Variants in MYO3B observed in about 807,000 individuals in gnomAD.
The protein encoded by MYO3B is myosin IIIB, also known as myosin-IIIb.
Under a neutral mutation model 174.6 loss-of-function variants are expected in MYO3B, and 156 were observed. That is an observed-to-expected ratio of 0.89 (90% confidence interval 0.78 to 1.02). The LOEUF is 1.02. MYO3B is among the 50% of genes least tolerant of loss of function. The probability of loss-of-function intolerance (pLI) is 0.00; values close to 1 mark genes in which losing one functional copy is unlikely to be tolerated. For missense variants in MYO3B, 1,632 were observed against 1,639.4 expected, an observed-to-expected ratio of 1.00 and a Z score of 0.08; for synonymous variants, 563 against 569.1, an observed-to-expected ratio of 0.99 and a Z score of 0.15.
chr2:170,244,364 T>G (rs2093167931), intron 7 of MYO3B, among the ~76,000 whole-genome samples: 1 of 152,176 alleles, frequency 6.6e-6, no homozygotes, highest in Admixed American at 6.5e-5. Context: ...CAGCCCCACC[T>G]GGAAAGGCTC....
intron 7 of MYO3B, among the ~76,000 whole-genome samples, chr2:170,244,656 C>G (rs1473730035): frequency 6.6e-6 from 1 of 152,140 alleles, no homozygotes; most frequent in Admixed American, 6.5e-5. Context: ...TTGACTTTCG[C>G]CTTGGGATAA....
intron 22 of MYO3B, among the ~76,000 whole-genome samples, chr2:170,411,094 T>C (rs1357044698): frequency 2.0e-5 from 3 of 152,204 alleles, no homozygotes; most frequent in Non-Finnish European, 4.4e-5. Flanking sequence ...TTCCTGACAG[T>C]TAACTTGAGG....
At position 170,335,414 on chromosome 2, in the gene MYO3B, A is replaced by G; in HGVS notation, c.779A>G (p.Glu260Gly). Residue 260 changes from glutamate (E) to glycine (G), a missense_variant, in exon 8 of 35, where the codon GAA becomes GGA. Physicochemically the swap from Glu to Gly is moderately conservative, Grantham distance 98 (BLOSUM62 -2). Coordinates refer to ENST00000408978, the MANE Select transcript of MYO3B (RefSeq NM_138995.5). ...CCTCCACCTACTTTACTTCATCCAG[A>G]AAAATGGTGTGAAGAATTCAACCAC... is the stretch of plus-strand genomic sequence containing the variant. The part of the protein sequence containing the change: ...RNPPPTLLHP[E>G]KWCEEFNHFI... The G allele has an allele frequency of 6.2e-7, 1 of 1,611,324 alleles. No individual in the cohort carries two copies. The highest frequency in any genetic ancestry group is 8.5e-7 in the Non-Finnish European group (1 of 1,178,626).
At chr2:170,560,079 T>A (rs1334461749) in intron 32 of MYO3B, among the ~76,000 whole-genome samples, 2 of 152,220 alleles carry the variant, frequency 1.3e-5, no homozygotes, top group African/African-American at 2.4e-5. Flanking sequence ...TACTGCTATT[T>A]CTTACTCTTC....
At chr2:170,469,744 C>T (rs547516700) in intron 25 of MYO3B, among the ~76,000 whole-genome samples, 3 of 152,222 alleles carry the variant, frequency 2.0e-5, no homozygotes, top group African/African-American at 7.2e-5. Context: ...TTAGTCCAGC[C>T]CTTTTGTTAT....
At chr2:170,393,895 T>C (rs6750568) in intron 16 of MYO3B, among the ~76,000 whole-genome samples, 1,593 of 152,268 alleles carry the variant, frequency 0.01, 29 homozygotes, top group African/African-American at 0.036. Flanking sequence ...GGTTCTAGCA[T>C]TGTTAAAGGA....
chr2:170,595,823 CTCACTGTTAT>C (rs1168264262), intron 32 of MYO3B, among the ~76,000 whole-genome samples: 3 of 151,976 alleles, frequency 2.0e-5, no homozygotes, highest in Non-Finnish European at 1.5e-5. Flanking sequence ...GGCTTCTCTT[CTCACTGTTAT>C]TCCAACCAAC....
chr2:170,325,821 T>G (rs2093862623), intron 7 of MYO3B, among the ~76,000 whole-genome samples: 1 of 152,150 alleles, frequency 6.6e-6, no homozygotes, highest in Non-Finnish European at 1.5e-5. Context: ...CCTCTGCCTT[T>G]CAGTTTGAGA....
chr2:170,580,718 A>ATATATATATATATGTGTGTG (rs768974458), intron 32 of MYO3B, among the ~76,000 whole-genome samples: 48 of 142,772 alleles, frequency 3.4e-4, no homozygotes, highest in African/African-American at 1.2e-3. Context: ...AACCTTATAT[A>ATATATATATATATGTGTGTG]TGTGTGTGTG....
intron 7 of MYO3B, among the ~76,000 whole-genome samples, chr2:170,286,217 A>G (rs1177846407): frequency 6.6e-6 from 1 of 152,196 alleles, no homozygotes; most frequent in Non-Finnish European, 1.5e-5. Flanking sequence ...AAGCAATGTA[A>G]AGGAAATGGA....
chr2:170,557,145 TTTA>T (rs752378397), intron 32 of MYO3B, among the ~76,000 whole-genome samples: 1 of 106,354 alleles, frequency 9.4e-6, no homozygotes, highest in Admixed American at 1.1e-4. Context: ...TATTTTTATT[TTTA>T]TTTTTTTTTG....
intron 25 of MYO3B, among the ~76,000 whole-genome samples, chr2:170,480,041 GTA>G (rs57069590): frequency 6.3e-4 from 92 of 146,340 alleles, no homozygotes; most frequent in East Asian, 2.0e-3. Flanking sequence ...GTGTGTGTGT[GTA>G]TATATATATA....
chr2:170,323,655 A>C (rs570952662), intron 7 of MYO3B, among the ~76,000 whole-genome samples: 114 of 152,316 alleles, frequency 7.5e-4, no homozygotes, highest in African/African-American at 2.6e-3. Context: ...CTGTTTTCTT[A>C]TCTCTAAAAC....
chr2:170,286,437 T>C, intron 7 of MYO3B, among the ~76,000 whole-genome samples: 1 of 152,316 alleles, frequency 6.6e-6, no homozygotes, highest in South Asian at 2.1e-4. Context: ...TACCACATGA[T>C]GTAGGAAGTT....
At chr2:170,384,613 A>C (rs1411425998) in intron 12 of MYO3B, among the ~76,000 whole-genome samples, 1 of 152,216 alleles carries the variant, frequency 6.6e-6, no homozygotes, top group African/African-American at 2.4e-5. Flanking sequence ...TTAGAAACTT[A>C]GCTCTTCCAA....
At chr2:170,635,760 T>G (rs1286098275) in intron 32 of MYO3B, among the ~76,000 whole-genome samples, 3 of 152,180 alleles carry the variant, frequency 2.0e-5, no homozygotes, top group African/African-American at 4.8e-5. Context: ...CATGTTTTCT[T>G]TCTTACATAT....
chr2:170,206,746 A>C lies in MYO3B; in HGVS notation c.321+6462A>C, dbSNP rs1487278019. Among the ~76,000 whole-genome samples the C allele has an allele frequency of 6.6e-6, 1 of 152,082 alleles. No individual in the cohort carries two copies. The highest frequency in any genetic ancestry group is 6.6e-5 in the Admixed American group (1 of 15,256). ...TCCCTCTCCCTTTTCCCTGGGTGGCATCTGGATCTGGGTACAAGTAGATGC... is the reference window on the plus strand; with the variant it reads ...TCCCTCTCCCTTTTCCCTGGGTGGCCTCTGGATCTGGGTACAAGTAGATGC... On this transcript the variant is annotated intron_variant, in intron 3 of 34. Transcript: ENST00000408978. This position sits in a 1 kb window ranked among gnomAD's most constrained non-coding sequence, Gnocchi z 4.3.
intron 7 of MYO3B, among the ~76,000 whole-genome samples, chr2:170,236,771 T>C (rs2093075460): frequency 6.6e-6 from 1 of 152,228 alleles, no homozygotes; most frequent in Non-Finnish European, 1.5e-5. Context: ...TTATGGAATA[T>C]GAAGCTATCC....
intron 7 of MYO3B, among the ~76,000 whole-genome samples, chr2:170,298,743 G>T (rs1173736898): frequency 1.3e-5 from 2 of 151,734 alleles, no homozygotes; most frequent in African/African-American, 4.8e-5. Context: ...TGGATGGATG[G>T]AGTTTTGGAG....
Sources: gnomAD v4.1 joint callset for allele counts (sites outside exome capture counted in the v4.1 genomes callset) on GRCh38, gnomAD v4.1.1 for gene constraint, Gnocchi (gnomAD v3.1) non-coding constraint, MANE v1.5 for transcripts, NCBI Gene and HGNC (gene_info 2026-07-23, HGNC 2026-07-21) for gene names.